Variants in CDH13 observed in about 807,000 individuals in gnomAD.
The protein encoded by CDH13 is cadherin-13.
In CDH13, 24 loss-of-function variants were observed where a neutral mutation model predicts 63.8. The ratio of observed to expected loss-of-function variants is 0.38; its 90% confidence interval spans 0.27 to 0.53. CDH13 has a LOEUF of 0.53. CDH13 is among the 20% of genes least tolerant of loss of function. The probability of loss-of-function intolerance (pLI) is 0.85; values close to 1 mark genes in which losing one functional copy is unlikely to be tolerated. For synonymous variants in CDH13, 503 were observed against 355.3 expected (o/e 1.42, Z -4.67); for missense variants, 1,049 against 903.1 (o/e 1.16, Z -2.07).
chr16:83,779,216 C>T (rs1040381429), intron 11 of CDH13, among the ~76,000 whole-genome samples: 6 of 151,602 alleles, frequency 4.0e-5, no homozygotes, highest in African/African-American at 1.5e-4. Flanking sequence ...ACCAGCCTGG[C>T]CAACATAGCG....
chr16:82,731,907 AT>A, intron 1 of CDH13, among the ~76,000 whole-genome samples: 1 of 152,322 alleles, frequency 6.6e-6, no homozygotes, highest in Middle Eastern at 3.4e-3. Flanking sequence ...CACTGCTTGA[AT>A]GGGGCATGTT....
At chr16:83,744,236 C>T (rs1912353729) in intron 10 of CDH13, among the ~76,000 whole-genome samples, 1 of 152,090 alleles carries the variant, frequency 6.6e-6, no homozygotes, top group African/African-American at 2.4e-5. Context: ...TGTTAGGCTC[C>T]CAAAGGCATT....
At chr16:83,136,516 C>G (rs940470091) in intron 4 of CDH13, among the ~76,000 whole-genome samples, 1 of 148,896 alleles carries the variant, frequency 6.7e-6, no homozygotes, top group Non-Finnish European at 1.5e-5. Context: ...AAGAAATAGA[C>G]TTCACTAGAG....
At chr16:82,861,798 C>G (rs2039957213) in intron 2 of CDH13, among the ~76,000 whole-genome samples, 2 of 152,174 alleles carry the variant, frequency 1.3e-5, no homozygotes, top group Admixed American at 6.5e-5. Context: ...CATTTTTCAA[C>G]AATATGCTGG....
At chr16:82,897,212 C>G (rs1474834601) in intron 2 of CDH13, among the ~76,000 whole-genome samples, 1 of 152,058 alleles carries the variant, frequency 6.6e-6, no homozygotes, top group African/African-American at 2.4e-5. Flanking sequence ...AAGTAACTGG[C>G]CAGCAGCAGC....
chr16:83,306,072 C>T (rs908968954), intron 5 of CDH13, among the ~76,000 whole-genome samples: 10 of 152,180 alleles, frequency 6.6e-5, no homozygotes, highest in Non-Finnish European at 1.0e-4. Flanking sequence ...GTGTAGATAC[C>T]TGTAGCATTC....
chr16:82,676,459 G>C (rs1272274129), intron 1 of CDH13, among the ~76,000 whole-genome samples: 2 of 144,650 alleles, frequency 1.4e-5, no homozygotes, highest in Non-Finnish European at 3.0e-5. Flanking sequence ...TCCATTGCCA[G>C]TATCCTAATC....
At chr16:82,825,357 C>G (rs542119848) in intron 1 of CDH13, 1 of 152,254 alleles carries the variant, frequency 6.6e-6, no homozygotes, top group African/African-American at 2.4e-5. Context: ...CAGGAGTCTG[C>G]TTTGTATTGT....
chr16:82,641,186 T>C (rs144445477), intron 1 of CDH13, among the ~76,000 whole-genome samples: 2 of 152,294 alleles, frequency 1.3e-5, no homozygotes, highest in Non-Finnish European at 2.9e-5. Context: ...GCTGAGGGTG[T>C]ATTCACTCGC....
At chr16:82,952,846 C>T (rs1267868366) in intron 2 of CDH13, among the ~76,000 whole-genome samples, 1 of 152,172 alleles carries the variant, frequency 6.6e-6, no homozygotes, top group Admixed American at 6.6e-5. Context: ...GTTCTCCCTC[C>T]ACCTCTGATT....
rs1160523216 is a variant in CDH13 at position 83,240,777 on chromosome 16, G to GCTT, written c.636+23283_636+23285dup. On this transcript the variant is annotated intron_variant, in intron 5 of 13. Coordinates refer to ENST00000567109, the MANE Select transcript of CDH13 (RefSeq NM_001257.5). The stretch of plus-strand genomic sequence containing the variant: ...AGGTTTCACTGTGTTGTCCAAGCTG[G>GCTT]CTTCTAACTCCTGTGCTCAAGTGAT... Among the ~76,000 whole-genome samples, 16 of 117,712 alleles carry GCTT rather than the reference G, an allele frequency of 1.4e-4. 1 individual carries two copies. The Admixed American group carries it at 1.7e-3, about 13-fold the overall frequency. The allele number at this position is 117,712 out of a possible 152,430, so 77.2% of individuals were successfully genotyped here.
chr16:82,650,865 G>C (rs189690014), intron 1 of CDH13, among the ~76,000 whole-genome samples: 3 of 152,208 alleles, frequency 2.0e-5, no homozygotes, highest in Non-Finnish European at 4.4e-5. Flanking sequence ...TAAGCCCAGT[G>C]GGGCAGGGCA....
Position 83,795,403 on chromosome 16 carries a change from A to G in CDH13, c.*373A>G. On this transcript the variant is annotated 3_prime_UTR_variant, in exon 14 of 14. Transcript: ENST00000567109. ...TATTGGTGTATGTATGAGTATCTGT[A>G]TGTATATATACACGGTATTTATAGA... The G allele has an allele frequency of 4.3e-6, 1 of 234,668 alleles. No homozygotes were observed. Among genetic ancestry groups the G allele is most frequent in the Non-Finnish European group, 8.4e-6 (1 of 118,358 alleles). The allele number at this position is 234,668 out of a possible 1,614,324, so 14.5% of individuals were successfully genotyped here.
intron 6 of CDH13, among the ~76,000 whole-genome samples, chr16:83,486,049 A>G (rs1273823945): frequency 6.6e-6 from 1 of 152,162 alleles, no homozygotes; most frequent in African/African-American, 2.4e-5. Context: ...AGGCTGAGGC[A>G]GGAGAATCAC....
intron 6 of CDH13, among the ~76,000 whole-genome samples, chr16:83,352,686 C>G (rs549692361): frequency 6.6e-6 from 1 of 152,206 alleles, no homozygotes; most frequent in South Asian, 2.1e-4. Context: ...GTCAGGAGAT[C>G]GAGACCATCC....
At chr16:83,255,842 T>C (rs1306892064) in intron 5 of CDH13, among the ~76,000 whole-genome samples, 2 of 152,150 alleles carry the variant, frequency 1.3e-5, no homozygotes, top group African/African-American at 4.8e-5. Flanking sequence ...TGGCTTTTAA[T>C]TCCTAAGGTG....
intron 1 of CDH13, among the ~76,000 whole-genome samples, chr16:82,786,009 G>A (rs1265298324): frequency 6.6e-6 from 1 of 152,098 alleles, no homozygotes; most frequent in Non-Finnish European, 1.5e-5. Flanking sequence ...AATTCCGACT[G>A]GCAAATTTAA....
At chr16:82,638,733 C>T (rs1382083044) in intron 1 of CDH13, among the ~76,000 whole-genome samples, 1 of 145,762 alleles carries the variant, frequency 6.9e-6, no homozygotes, top group African/African-American at 2.5e-5. Context: ...GGGATTCATG[C>T]CTCATAAAAT....
intron 6 of CDH13, among the ~76,000 whole-genome samples, chr16:83,409,980 G>A (rs553029465): frequency 1.4e-4 from 21 of 152,210 alleles, no homozygotes; most frequent in Non-Finnish European, 7.3e-5. Context: ...AAGAAGGCTA[G>A]TGGGCCTTAT....
Sources: gnomAD v4.1 joint callset for allele counts (sites outside exome capture counted in the v4.1 genomes callset) on GRCh38, gnomAD v4.1.1 for gene constraint, MANE v1.5 for transcripts, NCBI Gene and HGNC (gene_info 2026-07-23, HGNC 2026-07-21) for gene names.